The following COX19 variants were observed in gnomAD, a reference collection of about 807,000 sequenced individuals.
COX19 encodes the protein cytochrome c oxidase assembly protein COX19.
Under a neutral mutation model 6.8 loss-of-function variants are expected in COX19, and 8 were observed. The ratio of observed to expected loss-of-function variants is 1.18; its 90% confidence interval spans 0.69 to 2.12. COX19 has a LOEUF of 2.12. COX19 is among the 30% of genes most tolerant of loss of function. The pLI, the probability that COX19 is intolerant of heterozygous loss-of-function variation, is 0.00. For missense variants in COX19, 131 were observed against 104.6 expected (o/e 1.25, Z -1.10); for synonymous variants, 51 against 38.0 (o/e 1.34, Z -1.26).
At chr7:970,906 C>A (rs1303299883) in intron 2 of COX19, among the ~76,000 whole-genome samples, 1 of 152,190 alleles carries the variant, frequency 6.6e-6, no homozygotes, top group Admixed American at 6.5e-5. Context: ...TATCGCAGTG[C>A]AGCCATCTTA....
intron 2 of COX19, among the ~76,000 whole-genome samples, chr7:969,697 G>T (rs1438837093): frequency 3.3e-5 from 5 of 151,996 alleles, no homozygotes; most frequent in Non-Finnish European, 7.4e-5. Context: ...GGCCTCTTGG[G>T]ATGTCCAAGA....
At chr7:969,898 G>A (rs1234147849) in intron 2 of COX19, among the ~76,000 whole-genome samples, 1 of 151,846 alleles carries the variant, frequency 6.6e-6, no homozygotes, top group Non-Finnish European at 1.5e-5. Flanking sequence ...TGGCAGAGGA[G>A]ACCTCAGGCT....
At position 975,520 on chromosome 7, in the gene COX19, C is replaced by A. The variant is rs1847695424; in HGVS notation, c.-11G>T. The A allele has an allele frequency of 6.3e-7, 1 of 1,598,682 alleles. No individual in the cohort carries two copies. Among genetic ancestry groups the A allele is most frequent in the Non-Finnish European group, 8.5e-7 (1 of 1,174,066 alleles). ...CATGGCGGTCGACATGTTGGCGACT[C>A]CGGAGTCTGCGAGCGCCTTGCGAGC... is the stretch of plus-strand genomic sequence containing the variant. On this transcript the variant is annotated 5_prime_UTR_variant, in exon 1 of 3. Coordinates refer to ENST00000344111, the MANE Select transcript of COX19 (RefSeq NM_001031617.3).
chr7:973,888 C>T (rs1436159657), intron 1 of COX19, among the ~76,000 whole-genome samples: 1 of 150,468 alleles, frequency 6.6e-6, no homozygotes, highest in Non-Finnish European at 1.5e-5. Context: ...ATTGCTTGAA[C>T]CCAGGAAGCG....
At chr7:972,166 A>G (rs1847645347) in intron 2 of COX19, among the ~76,000 whole-genome samples, 1 of 152,210 alleles carries the variant, frequency 6.6e-6, no homozygotes, top group East Asian at 1.9e-4. Flanking sequence ...TAATTTAAAC[A>G]CGTGGCTCCA....
intron 1 of COX19, among the ~76,000 whole-genome samples, chr7:974,624 A>G (rs1847679176): frequency 6.6e-6 from 1 of 152,186 alleles, no homozygotes; most frequent in African/African-American, 2.4e-5. Flanking sequence ...ATGTTGGGAA[A>G]GAAACAGTAA....
At chr7:975,193 G>A (rs1234425532) in intron 1 of COX19, 3 of 427,660 alleles carry the variant, frequency 7.0e-6, no homozygotes, top group Non-Finnish European at 8.3e-6. Flanking sequence ...GAAGCCTGAC[G>A]CAAGGAGTCG....
At chr7:974,747 C>T (rs1847681212) in intron 1 of COX19, among the ~76,000 whole-genome samples, 1 of 151,984 alleles carries the variant, frequency 6.6e-6, no homozygotes, top group Non-Finnish European at 1.5e-5. Flanking sequence ...CAACCTCCGT[C>T]TCCCGGTTCA....
At position 967,947 on chromosome 7, in the gene COX19, CTA is replaced by C. The variant is rs1236245936; in HGVS notation, c.*1429_*1430del. On this transcript the variant is annotated 3_prime_UTR_variant, in exon 3 of 3. Transcript: ENST00000344111. Reference sequence around the variant, plus strand: ...GTGCACTGTGAGGACACTGGGGTTGCTATAGACAGTGCTGGGGCAACCCTGTG... The same window carrying C: ...GTGCACTGTGAGGACACTGGGGTTGCTAGACAGTGCTGGGGCAACCCTGTG... 1 of 152,286 alleles carries C rather than the reference CTA, an allele frequency of 6.6e-6. No individual in the cohort carries two copies. The highest frequency in any genetic ancestry group is 2.4e-5 in the African/African-American group (1 of 41,470). The allele number at this position is 152,286 out of a possible 1,614,324, so 9.4% of individuals were successfully genotyped here. A position where few individuals can be genotyped will look rare whatever the true frequency, so the allele number is the denominator to read the frequency against.
At position 969,300 on chromosome 7, in the gene COX19, A is replaced by G; in HGVS notation, c.*78T>C. The G allele has an allele frequency of 1.1e-6, 1 of 923,272 alleles. No individual in the cohort carries two copies. Among genetic ancestry groups the G allele is most frequent in the Non-Finnish European group, 1.8e-6 (1 of 556,862 alleles). The allele number at this position is 923,272 out of a possible 1,614,324, so 57.2% of individuals were successfully genotyped here. A position where few individuals can be genotyped will look rare whatever the true frequency, so the allele number is the denominator to read the frequency against. On this transcript the variant is annotated 3_prime_UTR_variant, in exon 3 of 3. Coordinates refer to ENST00000344111, the MANE Select transcript of COX19 (RefSeq NM_001031617.3). The stretch of plus-strand genomic sequence containing the variant: ...TCTAAGGACACCACACGCAGGCCTC[A>G]GCCAACCTAAGAGGCAGGATGATGC...
intron 2 of COX19, among the ~76,000 whole-genome samples, chr7:971,912 G>GCCTAAACATTGCCTGGCCTA (rs1400077291): frequency 6.6e-6 from 1 of 152,082 alleles, no homozygotes; most frequent in Non-Finnish European, 1.5e-5. Context: ...AATGAAATCA[G>GCCTAAACATTGCCTGGCCTA]AACACATGCC....
In COX19 at chr7:966,050, C is replaced by A. The variant is rs942808091; in HGVS notation, c.*3328G>T. ...TTAATAAGACAGACCTGGCCCTCCC[C>A]CCACTGACATGTTTACGCAATTACT... On this transcript the variant is annotated 3_prime_UTR_variant, in exon 3 of 3. Coordinates refer to ENST00000344111, the MANE Select transcript of COX19 (RefSeq NM_001031617.3). 1.3e-5 allele frequency: 2 copies of A among 152,248 alleles called. No individual in the cohort carries two copies. The highest frequency in any genetic ancestry group is 1.3e-4 in the Admixed American group (2 of 15,288). 9.4% of individuals were successfully genotyped at this position (152,248 alleles called of 1,614,324 possible).
chr7:969,085 GC>G lies in COX19; in HGVS notation c.*292del. 9.0e-6 allele frequency: 3 copies of G among 334,854 alleles called. No homozygotes were observed. The highest frequency in any genetic ancestry group is 1.6e-5 in the Non-Finnish European group (3 of 182,532). 20.7% of individuals were successfully genotyped at this position (334,854 alleles called of 1,614,324 possible). On this transcript the variant is annotated 3_prime_UTR_variant, in exon 3 of 3. Coordinates refer to ENST00000344111, the MANE Select transcript of COX19 (RefSeq NM_001031617.3). ...TATCAGAGGACTGCAACATAAAACC[GC>G]CCCATACAAGAGGGCCCCGGCCTCG...
rs1352519287 is a variant in COX19, at chr7:968,385, G to A, written c.*993C>T. ...GACAGCCACTGCCAGGGTCGCCAGA[G>A]AGGACGTGACCTGGACCTCCCCACC... is the stretch of plus-strand genomic sequence containing the variant. On this transcript the variant is annotated 3_prime_UTR_variant, in exon 3 of 3. Coordinates refer to ENST00000344111, the MANE Select transcript of COX19 (RefSeq NM_001031617.3). The A allele has an allele frequency of 6.6e-6, 1 of 152,336 alleles. No individual in the cohort carries two copies. Among genetic ancestry groups the A allele is most frequent in the Admixed American group, 6.5e-5 (1 of 15,288 alleles). 9.4% of individuals were successfully genotyped at this position (152,336 alleles called of 1,614,324 possible).
intron 1 of COX19, 134 bp downstream of exon 1, chr7:975,294 G>A (rs1304482627): frequency 4.6e-6 from 3 of 646,346 alleles, no homozygotes; most frequent in Admixed American, 6.5e-5. Context: ...TGGGTGGGGC[G>A]GAGGGGCGGG....
At chr7:975,099 G>C in intron 1 of COX19, 1 of 303,806 alleles carries the variant, frequency 3.3e-6, no homozygotes, top group East Asian at 5.9e-5. Context: ...GCAGCTGCGG[G>C]CTTCGTGGCC....
intron 1 of COX19, chr7:975,210 C>T (rs908134600): frequency 1.4e-5 from 6 of 432,784 alleles, no homozygotes; most frequent in Non-Finnish European, 2.5e-5. Flanking sequence ...GTCGGTGTCG[C>T]TGCCCTCGTC....
chr7:970,838 A>G (rs1477959515), intron 2 of COX19, among the ~76,000 whole-genome samples: 1 of 152,100 alleles, frequency 6.6e-6, no homozygotes, highest in Non-Finnish European at 1.5e-5. Flanking sequence ...TGGCCTCCCA[A>G]AGTGCTGGGG....
At chr7:975,134 C>T (rs763933979) in intron 1 of COX19, 2 of 368,132 alleles carry the variant, frequency 5.4e-6, no homozygotes, top group Non-Finnish European at 9.8e-6. Context: ...TCTGCAAACC[C>T]GGGGCACAGA....
Sources: allele counts gnomAD v4.1 joint callset (sites outside exome capture counted in the v4.1 genomes callset), GRCh38; gene constraint gnomAD v4.1.1; transcripts MANE v1.5; gene names NCBI Gene and HGNC (gene_info 2026-07-23, HGNC 2026-07-21).